Variants in OPRM1 observed in about 807,000 individuals in gnomAD.
OPRM1 encodes the protein mu-type opioid receptor.
Under a neutral mutation model 31.8 loss-of-function variants are expected in OPRM1, and 27 were observed. The observed-to-expected ratio is 0.85, with a 90% confidence interval of 0.63 to 1.17. The LOEUF (loss-of-function observed/expected upper bound fraction) is 1.17, where lower values mean the gene tolerates loss of function less well. OPRM1 is among the 50% of genes most tolerant of loss of function. OPRM1 has a pLI of 0.00. For synonymous variants in OPRM1, 196 were observed against 189.9 expected, an observed-to-expected ratio of 1.03 and a Z score of -0.26; for missense variants, 536 against 511.1, an observed-to-expected ratio of 1.05 and a Z score of -0.47.
In OPRM1 at chr6:154,086,832, C is replaced by T. The variant is rs563649; in HGVS notation, c.291-2994C>T. 89,704 of 984,998 alleles carry T rather than the reference C, an allele frequency of 0.091. 4,255 individuals are homozygous for T. Among genetic ancestry groups the T allele is most frequent in the Admixed American group, 0.18 (2,862 of 16,268 alleles). The allele number at this position is 984,998 out of a possible 1,614,324, so 61.0% of individuals were successfully genotyped here. Reference sequence around the variant, plus strand: ...TTAGATCATGCAGGTCTATAACCAACGGTGAATCTAGCAAAAGTTATTTTC... The same window carrying T: ...TTAGATCATGCAGGTCTATAACCAATGGTGAATCTAGCAAAAGTTATTTTC... On this transcript the variant is annotated intron_variant, in intron 1 of 3. Transcript: ENST00000330432.
upstream of OPRM1, among the ~76,000 whole-genome samples, chr6:154,037,948 G>C (rs541458763): frequency 1.3e-5 from 2 of 152,096 alleles, no homozygotes; most frequent in Non-Finnish European, 2.9e-5. Flanking sequence ...CAATATAAGA[G>C]AATTGTTACA....
chr6:154,108,822 TA>T, intron 3 of OPRM1: 1 of 985,354 alleles, frequency 1.0e-6, no homozygotes, highest in Non-Finnish European at 1.2e-6. Flanking sequence ...GAATGCTTGA[TA>T]ACCTCGGTGA....
chr6:154,193,988 T>C (rs1776375313), intron 3 of OPRM1, among the ~76,000 whole-genome samples: 1 of 152,204 alleles, frequency 6.6e-6, no homozygotes, highest in South Asian at 2.1e-4. Flanking sequence ...CATACACAGT[T>C]TACATCATAA....
intron 3 of OPRM1, among the ~76,000 whole-genome samples, chr6:154,232,975 T>C (rs1193987785): frequency 2.6e-5 from 4 of 151,322 alleles, no homozygotes; most frequent in Middle Eastern, 3.4e-3. Flanking sequence ...TTTTCTTTTT[T>C]TTTTTTTTTT....
At chr6:154,191,096 GAAGAAGCTTAAATTCATATTACCAAATGA>G (rs1390715416) in intron 3 of OPRM1, among the ~76,000 whole-genome samples, 1 of 152,070 alleles carries the variant, frequency 6.6e-6, no homozygotes, top group Non-Finnish European at 1.5e-5. Context: ...AAAAGACTTA[GAAGAAGCTTAAATTCATATTACCAAATGA>G]AAGAAGCCAA....
chr6:154,061,570 C>T (rs905005315), intron 1 of OPRM1, among the ~76,000 whole-genome samples: 1 of 152,030 alleles, frequency 6.6e-6, no homozygotes, highest in Non-Finnish European at 1.5e-5. Context: ...TATGCAGGAA[C>T]AGAAAACCAA....
chr6:154,159,688 CT>C lies in OPRM1; in HGVS notation c.1164+68217del, dbSNP rs1234592627. ...TGGTGTATTCGGTGATTATCTTCAT[CT>C]AACGTGCATCTTTAGATGGGAAGCT... On this transcript the variant is annotated intron_variant, in intron 3 of 3. Coordinates refer to the OPRM1 transcript ENST00000337049. The C allele has an allele frequency of 4.9e-5, 33 of 672,000 alleles. No individual in the cohort carries two copies. The African/African-American group carries it at 5.8e-4, about 12-fold the overall frequency. The allele number at this position is 672,000 out of a possible 1,614,324, so 41.6% of individuals were successfully genotyped here.
chr6:154,196,434 C>A lies in OPRM1; in HGVS notation c.1165-50259C>A, dbSNP rs533720966. ...CAATGTTTTATTTTTTTTAATTAAGCTTGTTATCTACATGACTCCCAGATC... is the reference window on the plus strand; with the variant it reads ...CAATGTTTTATTTTTTTTAATTAAGATTGTTATCTACATGACTCCCAGATC... On this transcript the variant is annotated intron_variant, in intron 3 of 3. Transcript: ENST00000337049. 2.0e-5 allele frequency among the ~76,000 whole-genome samples: 3 copies of A among 152,170 alleles called. No individual in the cohort carries two copies. The East Asian group carries it at 5.8e-4, about 29-fold the overall frequency.
intron 1 of OPRM1, among the ~76,000 whole-genome samples, chr6:154,041,631 ATTTT>A (rs568209489): frequency 2.0e-5 from 3 of 147,136 alleles, no homozygotes; most frequent in Non-Finnish European, 3.0e-5. Flanking sequence ...TAGCTAACAT[ATTTT>A]TTTTTTTTAT....
At chr6:154,042,339 G>A (rs981612224) in intron 1 of OPRM1, among the ~76,000 whole-genome samples, 2 of 152,162 alleles carry the variant, frequency 1.3e-5, no homozygotes, top group African/African-American at 4.8e-5. Context: ...TCAGTTCAGG[G>A]ATGTATTGTC....
At chr6:154,197,390 G>A (rs1776701887) in intron 3 of OPRM1, among the ~76,000 whole-genome samples, 1 of 152,060 alleles carries the variant, frequency 6.6e-6, no homozygotes, top group Non-Finnish European at 1.5e-5. Flanking sequence ...CAGTTCTTCT[G>A]GGAATTTAAC....
chr6:154,096,699 T>C (rs1427089985), intron 3 of OPRM1, among the ~76,000 whole-genome samples: 1 of 152,142 alleles, frequency 6.6e-6, no homozygotes, highest in Non-Finnish European at 1.5e-5. Flanking sequence ...AATCATTATA[T>C]AAGATCAAAC....
At chr6:154,011,913 T>C (rs1562366407) in intron 1 of OPRM1, among the ~76,000 whole-genome samples, 1 of 152,148 alleles carries the variant, frequency 6.6e-6, no homozygotes, top group Non-Finnish European at 1.5e-5. Context: ...AGAGTCAACG[T>C]GAGTCTACTT....
At chr6:154,043,516 A>G (rs913031509) in intron 1 of OPRM1, among the ~76,000 whole-genome samples, 2 of 148,454 alleles carry the variant, frequency 1.3e-5, no homozygotes, top group African/African-American at 5.1e-5. Context: ...ATCTAATATA[A>G]GGATATATAT....
intron 3 of OPRM1, among the ~76,000 whole-genome samples, chr6:154,099,884 A>G (rs1275845799): frequency 2.1e-5 from 3 of 145,176 alleles, no homozygotes; most frequent in African/African-American, 7.5e-5. Context: ...ATATATCATA[A>G]CATATTATAT....
intron 1 of OPRM1, among the ~76,000 whole-genome samples, chr6:154,050,647 G>T (rs1369586277): frequency 6.6e-6 from 1 of 152,062 alleles, no homozygotes; most frequent in African/African-American, 2.4e-5. Flanking sequence ...GGTGGGGATT[G>T]CTAACAGGTA....
At chr6:154,221,212 G>A (rs1428399492) in intron 3 of OPRM1, 3 of 1,387,424 alleles carry the variant, frequency 2.2e-6, no homozygotes, top group East Asian at 2.3e-5. Flanking sequence ...CTAAAGTTAA[G>A]TATATTCCCA....
chr6:154,157,130 T>C (rs1483552368), intron 3 of OPRM1: 2 of 152,214 alleles, frequency 1.3e-5, no homozygotes, highest in African/African-American at 4.8e-5. Flanking sequence ...CCAATATTCT[T>C]TGGACCAGAA....
intron 3 of OPRM1, among the ~76,000 whole-genome samples, chr6:154,238,212 A>G (rs1039728469): frequency 1.3e-5 from 2 of 152,192 alleles, no homozygotes; most frequent in South Asian, 4.1e-4. Context: ...GGAAACACAT[A>G]CAACAAAATG....
Sources: allele counts gnomAD v4.1 joint callset (sites outside exome capture counted in the v4.1 genomes callset), GRCh38; gene constraint gnomAD v4.1.1; transcripts MANE v1.5; gene names NCBI Gene and HGNC (gene_info 2026-07-23, HGNC 2026-07-21).